The following ARHGEF28 variants were observed in gnomAD, a reference collection of about 807,000 sequenced individuals.
ARHGEF28 encodes the protein 190 kDa guanine nucleotide exchange factor.
In ARHGEF28, 152 loss-of-function variants were observed where a neutral mutation model predicts 206.6. The observed-to-expected ratio is 0.74, with a 90% CI of 0.64 to 0.84. The LOEUF (loss-of-function observed/expected upper bound fraction) is 0.84, where lower values mean the gene tolerates loss of function less well. Ranked by LOEUF, ARHGEF28 falls within the 40% of genes least tolerant of loss-of-function variation. The pLI, the probability that ARHGEF28 is intolerant of heterozygous loss-of-function variation, is 0.00. For synonymous variants in ARHGEF28, 763 were observed against 776.4 expected, an observed-to-expected ratio of 0.98 and a Z score of 0.29; for missense variants, 2,028 against 2,073.2, an observed-to-expected ratio of 0.98 and a Z score of 0.42.
chr5:73,781,223 G>A (rs963519573), intron 7 of ARHGEF28, among the ~76,000 whole-genome samples: 1 of 152,190 alleles, frequency 6.6e-6, no homozygotes, highest in African/African-American at 2.4e-5. Context: ...CAGGGCTGCT[G>A]GATGTTCATC....
intron 9 of ARHGEF28, among the ~76,000 whole-genome samples, chr5:73,806,478 TCTATATATA>T (rs1755472078): frequency 1.7e-5 from 2 of 115,260 alleles, no homozygotes; most frequent in Non-Finnish European, 3.3e-5. Flanking sequence ...ATAGTATATA[TCTATATATA>T]GTATGTATAT....
At chr5:73,847,207 T>G (rs1006645571) in intron 12 of ARHGEF28, among the ~76,000 whole-genome samples, 2 of 152,258 alleles carry the variant, frequency 1.3e-5, no homozygotes, top group Non-Finnish European at 2.9e-5. Context: ...AAACTTCTCT[T>G]TCTAACGTAT....
intron 22 of ARHGEF28, among the ~76,000 whole-genome samples, chr5:73,881,811 T>C (rs1482908370): frequency 6.6e-6 from 1 of 152,234 alleles, no homozygotes. Flanking sequence ...TTTCTACAGA[T>C]GTTTTTCTAC....
chr5:73,799,567 TGG>T (rs1755014398), intron 9 of ARHGEF28, among the ~76,000 whole-genome samples: 4 of 152,182 alleles, frequency 2.6e-5, no homozygotes, highest in African/African-American at 9.6e-5. Context: ...AGTGAGGTTG[TGG>T]GTGACAGACC....
chr5:73,671,444 T>A (rs1007356027), intron 1 of ARHGEF28, among the ~76,000 whole-genome samples: 49 of 152,074 alleles, frequency 3.2e-4, no homozygotes, highest in Admixed American at 6.6e-4. Context: ...AGCAAATGAA[T>A]GAACTTTTGG....
chr5:73,785,350 G>A lies in ARHGEF28; in HGVS notation c.910+4605G>A, dbSNP rs189765214. ...TCTCAACCTCTCATAGAAACCGTCTGTGAAAGGTACTTTGAAAATGTTGTT... is the reference window on the plus strand; with the variant it reads ...TCTCAACCTCTCATAGAAACCGTCTATGAAAGGTACTTTGAAAATGTTGTT... On this transcript the variant is annotated intron_variant, in intron 7 of 35. Coordinates refer to ENST00000513042, the MANE Select transcript of ARHGEF28 (RefSeq NM_001177693.2). 2.0e-5 allele frequency among the ~76,000 whole-genome samples: 3 copies of A among 152,286 alleles called. No homozygotes were observed. In the East Asian group the frequency reaches 5.8e-4, roughly 29 times the overall value.
chr5:73,855,377 T>A (rs4365830), intron 14 of ARHGEF28, among the ~76,000 whole-genome samples: 102,599 of 151,922 alleles, frequency 0.68, 36,444 homozygotes, highest in African/African-American at 0.91. Flanking sequence ...ATAATATTTT[T>A]AAAAAAGCAT....
chr5:73,911,611 A>T, intron 35 of ARHGEF28, 36 bp downstream of exon 35: 1 of 1,533,562 alleles, frequency 6.5e-7, no homozygotes, highest in Non-Finnish European at 8.8e-7. Flanking sequence ...GTATAGTTTG[A>T]ACAAGAAGTT....
intron 2 of ARHGEF28, among the ~76,000 whole-genome samples, chr5:73,748,361 C>T (rs1195406612): frequency 6.6e-6 from 1 of 152,022 alleles, no homozygotes; most frequent in African/African-American, 2.4e-5. Flanking sequence ...TTTCAGAACT[C>T]TATACTTTGT....
At chr5:73,653,759 C>T (rs1457704667) in intron 1 of ARHGEF28, among the ~76,000 whole-genome samples, 1 of 152,238 alleles carries the variant, frequency 6.6e-6, no homozygotes, top group East Asian at 1.9e-4. Context: ...CATCCAGTCT[C>T]CTCTGGGCTT....
chr5:73,941,159 G>T lies in ARHGEF28; in HGVS notation c.*146G>T. ...TATTTCCTGGAAGCTCATTTTTTTG[G>T]CATGAGTCTAATTAAATTATTGAAA... On this transcript the variant is annotated 3_prime_UTR_variant, in exon 36 of 36. Transcript: ENST00000513042. 1.3e-6 allele frequency: 1 copy of T among 770,704 alleles called. No individual in the cohort carries two copies. The highest frequency in any genetic ancestry group is 1.8e-6 in the Non-Finnish European group (1 of 561,756). 47.7% of individuals were successfully genotyped at this position (770,704 alleles called of 1,614,324 possible).
intron 16 of ARHGEF28, among the ~76,000 whole-genome samples, chr5:73,863,880 G>T (rs766611256): frequency 6.6e-6 from 1 of 152,050 alleles, no homozygotes; most frequent in Non-Finnish European, 1.5e-5. Context: ...CCACTGGCGT[G>T]TTGACTGAAA....
chr5:73,704,479 C>T (rs1748808719), intron 2 of ARHGEF28, among the ~76,000 whole-genome samples: 1 of 152,094 alleles, frequency 6.6e-6, no homozygotes, highest in African/African-American at 2.4e-5. Context: ...GGCTGGAGTG[C>T]AGTGGAGCGA....
rs372027128 is a variant in ARHGEF28 at position 73,939,698 on chromosome 5, T to C, written c.4949-1146T>C. Among the ~76,000 whole-genome samples the C allele has an allele frequency of 7.9e-5, 12 of 152,206 alleles. No homozygotes were observed. In the East Asian group the frequency reaches 9.6e-4, roughly 12 times the overall value. ...AGATGGAGCCTTCTGGGAAGAGTTTTCCTTTCATTCCTGCCAAGCCTTGCT... is the reference window on the plus strand; with the variant it reads ...AGATGGAGCCTTCTGGGAAGAGTTTCCCTTTCATTCCTGCCAAGCCTTGCT... On this transcript the variant is annotated intron_variant, in intron 35 of 35. Transcript: ENST00000513042.
intron 1 of ARHGEF28, among the ~76,000 whole-genome samples, chr5:73,672,568 A>G (rs1746418136): frequency 6.6e-6 from 1 of 152,252 alleles, no homozygotes; most frequent in Non-Finnish European, 1.5e-5. Context: ...TGCACATAGT[A>G]AGTGACAGTA....
intron 35 of ARHGEF28, among the ~76,000 whole-genome samples, chr5:73,934,440 C>CT: frequency 6.6e-6 from 1 of 152,274 alleles, no homozygotes; most frequent in Admixed American, 6.5e-5. Context: ...TTCACATCAG[C>CT]TTTTTTCCTA....
At chr5:73,776,836 AT>A in intron 6 of ARHGEF28, 140 bp downstream of exon 6, 1 of 607,382 alleles carries the variant, frequency 1.6e-6, no homozygotes, top group Non-Finnish European at 2.8e-6. Context: ...TGGAAACTGC[AT>A]TAGATCAGTA....
chr5:73,744,658 CAT>C (rs1012083355), intron 2 of ARHGEF28, among the ~76,000 whole-genome samples: 13 of 151,848 alleles, frequency 8.6e-5, no homozygotes, highest in Admixed American at 7.2e-4. Flanking sequence ...TATTAGTAAA[CAT>C]TGATTATAAT....
intron 1 of ARHGEF28, among the ~76,000 whole-genome samples, chr5:73,640,792 A>G (rs1038424877): frequency 4.6e-5 from 7 of 152,228 alleles, no homozygotes; most frequent in Admixed American, 4.6e-4. Context: ...AACACTTTCA[A>G]AAGTTTAAAT....
Sources: allele counts gnomAD v4.1 joint callset (sites outside exome capture counted in the v4.1 genomes callset), GRCh38; gene constraint gnomAD v4.1.1; transcripts MANE v1.5; gene names NCBI Gene and HGNC (gene_info 2026-07-23, HGNC 2026-07-21).